Variants in YPEL2 observed in about 807,000 individuals in gnomAD.
The protein encoded by YPEL2 is protein yippee-like 2.
In YPEL2, 2 loss-of-function variants were observed where a neutral mutation model predicts 19.1. The ratio of observed to expected loss-of-function variants is 0.10; its 90% confidence interval spans 0.04 to 0.33. The LOEUF is 0.33. Among genes scored for constraint, YPEL2 ranks in the 10% least tolerant of loss-of-function variants. YPEL2 has a pLI of 1.00. For missense variants in YPEL2, 66 were observed against 140.7 expected, an observed-to-expected ratio of 0.47 and a Z score of 2.68; for synonymous variants, 52 against 50.0, an observed-to-expected ratio of 1.04 and a Z score of -0.17.
chr17:59,331,980 C>A (rs2047672134), intron 1 of YPEL2, among the ~76,000 whole-genome samples, 156 bp downstream of exon 1: 1 of 150,954 alleles, frequency 6.6e-6, no homozygotes, highest in African/African-American at 2.4e-5. Context: ...GTGGGGTCCC[C>A]GTGGGCGCCG....
chr17:59,358,967 A>G (rs1233124080), intron 2 of YPEL2, among the ~76,000 whole-genome samples: 4 of 127,318 alleles, frequency 3.1e-5, no homozygotes, highest in African/African-American at 1.2e-4. Flanking sequence ...TCTGTGGCCC[A>G]GGCTGGAATG....
chr17:59,336,028 C>G (rs1050503079), intron 1 of YPEL2, among the ~76,000 whole-genome samples: 2 of 152,112 alleles, frequency 1.3e-5, no homozygotes, highest in Non-Finnish European at 2.9e-5. Flanking sequence ...ACCTGTTTGC[C>G]GACACGGAAG....
In YPEL2 at chr17:59,397,520, C is replaced by G; in HGVS notation, c.*330C>G. ...GCCCCAGGGCCCATGCGAGAGCTGC[C>G]TGATGGCCTCTTGTCAGGAGAGCAG... On this transcript the variant is annotated 3_prime_UTR_variant, in exon 5 of 5. Transcript: ENST00000312655. The G allele has an allele frequency of 5.2e-6, 1 of 191,852 alleles. No individual in the cohort carries two copies. Among genetic ancestry groups the G allele is most frequent in the Non-Finnish European group, 1.1e-5 (1 of 94,464 alleles). The allele number at this position is 191,852 out of a possible 1,614,324, so 11.9% of individuals were successfully genotyped here. A position where few individuals can be genotyped will look rare whatever the true frequency, so the allele number is the denominator to read the frequency against.
chr17:59,393,835 G>A (rs995178446), intron 4 of YPEL2, among the ~76,000 whole-genome samples: 1 of 151,356 alleles, frequency 6.6e-6, no homozygotes, highest in African/African-American at 2.4e-5. Context: ...TGGGGGTAAG[G>A]TCATAGATCA....
At chr17:59,379,231 C>T (rs113902136) in intron 2 of YPEL2, among the ~76,000 whole-genome samples, 162 of 152,286 alleles carry the variant, frequency 1.1e-3, no homozygotes, top group African/African-American at 3.7e-3. Flanking sequence ...TCACTTTCTC[C>T]GTATGCATCC....
At chr17:59,390,785 C>T (rs1028188097) in intron 4 of YPEL2, among the ~76,000 whole-genome samples, 1 of 152,150 alleles carries the variant, frequency 6.6e-6, no homozygotes, top group Non-Finnish European at 1.5e-5. Flanking sequence ...CCCTACAGTC[C>T]CTCTAGCTAG....
At chr17:59,387,381 C>G (rs544110003) in intron 2 of YPEL2, among the ~76,000 whole-genome samples, 1 of 151,928 alleles carries the variant, frequency 6.6e-6, no homozygotes, top group African/African-American at 2.4e-5. Flanking sequence ...CTATCTGGTG[C>G]TCACCTACCC....
intron 2 of YPEL2, among the ~76,000 whole-genome samples, chr17:59,357,086 A>C (rs2047816644): frequency 6.6e-6 from 1 of 152,096 alleles, no homozygotes; most frequent in Non-Finnish European, 1.5e-5. Flanking sequence ...GAGCAGGTTT[A>C]TTTCATTGGA....
At position 59,400,152 on chromosome 17, in the gene YPEL2, C is replaced by G. The variant is rs1301707814; in HGVS notation, c.*2962C>G. 1.3e-5 allele frequency: 2 copies of G among 152,554 alleles called. No individual in the cohort carries two copies. Among genetic ancestry groups the G allele is most frequent in the Non-Finnish European group, 2.9e-5 (2 of 68,026 alleles). The allele number at this position is 152,554 out of a possible 1,614,324, so 9.5% of individuals were successfully genotyped here. On this transcript the variant is annotated 3_prime_UTR_variant, in exon 5 of 5. Transcript: ENST00000312655. ...TGATTTGACATGAACCAAACACAGC[C>G]AAACTCGATACCCACAAGCTGTCAG...
intron 2 of YPEL2, among the ~76,000 whole-genome samples, chr17:59,377,305 T>TGA (rs1228605727): frequency 6.6e-6 from 1 of 152,230 alleles, no homozygotes; most frequent in Non-Finnish European, 1.5e-5. Flanking sequence ...CCGATGGCTT[T>TGA]GAGAGACATT....
intron 2 of YPEL2, among the ~76,000 whole-genome samples, chr17:59,381,404 G>C (rs758015850): frequency 2.0e-5 from 3 of 152,186 alleles, no homozygotes; most frequent in Non-Finnish European, 4.4e-5. Context: ...GAGAGGCTCT[G>C]CTCCTCTGCT....
rs140131977 is a variant in YPEL2, at chr17:59,390,111, A to C, written c.270+643A>C. Among the ~76,000 whole-genome samples, 1,351 of 152,076 alleles carry C rather than the reference A, an allele frequency of 8.9e-3. 10 individuals are homozygous for C. Among genetic ancestry groups the C allele is most frequent in the Non-Finnish European group, 0.013 (908 of 67,960 alleles). On this transcript the variant is annotated intron_variant, in intron 4 of 4. Coordinates refer to ENST00000312655, the MANE Select transcript of YPEL2 (RefSeq NM_001005404.4). ...TGTCTCCCAGATTCAAGCGATTCTCATGCCTCAGCCTCCCAAGTAGCTGGG... is the reference window on the plus strand; with the variant it reads ...TGTCTCCCAGATTCAAGCGATTCTCCTGCCTCAGCCTCCCAAGTAGCTGGG...
chr17:59,344,644 G>C (rs2047747253), intron 1 of YPEL2, among the ~76,000 whole-genome samples: 1 of 152,122 alleles, frequency 6.6e-6, no homozygotes, highest in South Asian at 2.1e-4. Flanking sequence ...TGTAATCCCA[G>C]CTACCCGGGA....
intron 1 of YPEL2, among the ~76,000 whole-genome samples, chr17:59,348,887 TAA>T (rs765598418): frequency 2.5e-3 from 377 of 151,582 alleles, no homozygotes; most frequent in Non-Finnish European, 3.6e-3. Flanking sequence ...TTTCTTCCTT[TAA>T]AAAAAAATCA....
At chr17:59,375,930 G>A (rs2047918632) in intron 2 of YPEL2, among the ~76,000 whole-genome samples, 3 of 152,190 alleles carry the variant, frequency 2.0e-5, no homozygotes, top group African/African-American at 4.8e-5. Flanking sequence ...GTCAAAAGCT[G>A]TGGGTTTAAA....
At chr17:59,383,826 C>G (rs1277109840) in intron 2 of YPEL2, among the ~76,000 whole-genome samples, 1 of 151,434 alleles carries the variant, frequency 6.6e-6, no homozygotes, top group East Asian at 1.9e-4. Context: ...ATTTCAGATT[C>G]ATCCGTGTTG....
chr17:59,376,949 C>CAAAA (rs59030676), intron 2 of YPEL2, among the ~76,000 whole-genome samples: 2 of 48,542 alleles, frequency 4.1e-5, no homozygotes, highest in Admixed American at 3.1e-4. Flanking sequence ...CACACTGTCT[C>CAAAA]AAAAAAAAAA....
intron 2 of YPEL2, among the ~76,000 whole-genome samples, chr17:59,360,438 G>C (rs899239527): frequency 6.6e-6 from 1 of 152,186 alleles, no homozygotes; most frequent in Non-Finnish European, 1.5e-5. Context: ...TGACAAATTA[G>C]GGAAGAGTTC....
In YPEL2 at chr17:59,374,039, C is replaced by T. The variant is rs572769437; in HGVS notation, c.118-14288C>T. On this transcript the variant is annotated intron_variant, in intron 2 of 4. Transcript: ENST00000312655. ...GCATCTATTCTCTTGAGAATATGGA[C>T]TCACAGAATGTTCACCCTTGTAAGA... Among the ~76,000 whole-genome samples the T allele has an allele frequency of 2.0e-5, 3 of 152,298 alleles. No homozygotes were observed. In the South Asian group the frequency reaches 6.2e-4, roughly 32 times the overall value.
Sources: gnomAD v4.1 joint callset for allele counts (sites outside exome capture counted in the v4.1 genomes callset) on GRCh38, gnomAD v4.1.1 for gene constraint, MANE v1.5 for transcripts, NCBI Gene and HGNC (gene_info 2026-07-23, HGNC 2026-07-21) for gene names.